The following WDR1 variants were observed in gnomAD, a reference collection of about 807,000 sequenced individuals.
WDR1 encodes the protein WD repeat domain 1, also known as WD repeat-containing protein 1.
In WDR1, 21 loss-of-function variants were observed where a neutral mutation model predicts 71.9. That is an observed-to-expected ratio of 0.29 (90% CI 0.21 to 0.42). The LOEUF is 0.42. WDR1 is among the 10% of genes least tolerant of loss of function. The probability of loss-of-function intolerance (pLI) is 1.00; values close to 1 mark genes in which losing one functional copy is unlikely to be tolerated. For synonymous variants in WDR1, 424 were observed against 347.4 expected, an observed-to-expected ratio of 1.22 and a Z score of -2.45; for missense variants, 696 against 824.5, an observed-to-expected ratio of 0.84 and a Z score of 1.91.
chr4:10,103,781 C>CA, intron 3 of WDR1, 115 bp downstream of exon 3: 1 of 263,014 alleles, frequency 3.8e-6, no homozygotes, highest in Non-Finnish European at 7.5e-6. Flanking sequence ...CCTGCTCCCC[C>CA]ACCCCCCACC....
intron 2 of WDR1, among the ~76,000 whole-genome samples, chr4:10,112,311 T>C (rs1413093507): frequency 6.6e-6 from 1 of 152,140 alleles, no homozygotes; most frequent in Non-Finnish European, 1.5e-5. Context: ...AAGCCTTCCT[T>C]AGACCCCCGA....
chr4:10,075,213 G>C lies in WDR1; in HGVS notation c.*165C>G. 1.6e-6 allele frequency: 1 copy of C among 610,890 alleles called. No homozygotes were observed. The highest frequency in any genetic ancestry group is 2.0e-5 in the South Asian group (1 of 51,078). The allele number at this position is 610,890 out of a possible 1,614,324, so 37.8% of individuals were successfully genotyped here. On this transcript the variant is annotated 3_prime_UTR_variant, in exon 15 of 15. Coordinates refer to ENST00000499869, the MANE Select transcript of WDR1 (RefSeq NM_017491.5). Reference sequence around the variant, plus strand: ...TACTGTCTAAAGCTTTCAGAAGAACGTGTACAGACACCCTGCAGAGACGAG... The same window carrying C: ...TACTGTCTAAAGCTTTCAGAAGAACCTGTACAGACACCCTGCAGAGACGAG...
rs1312127361 is a variant in WDR1, at chr4:10,103,933, G to T, written c.192C>A (p.Ala64=). 1 of 1,602,032 alleles carries T rather than the reference G, an allele frequency of 6.2e-7. No homozygotes were observed. The highest frequency in any genetic ancestry group is 8.5e-7 in the Non-Finnish European group (1 of 1,174,704). ...YTEHAHQVVV[A]KYAPSGFYIA... is the part of the protein sequence containing the mutation. ...TGTAGAATCCGCTGGGCGCATACTTGGCCACCACCACCTGATGGGCGTGCT... is the reference window on the plus strand; with the variant it reads ...TGTAGAATCCGCTGGGCGCATACTTTGCCACCACCACCTGATGGGCGTGCT... The change falls in exon 3 of 15, where the codon GCC becomes GCA. Residue 64 remains alanine (A), a synonymous_variant. Transcript: ENST00000499869.
chr4:10,113,095 C>A (rs990281344), intron 2 of WDR1, among the ~76,000 whole-genome samples: 1 of 152,248 alleles, frequency 6.6e-6, no homozygotes, highest in African/African-American at 2.4e-5. Flanking sequence ...GTGGCTCACG[C>A]CTGTATCCCA....
intron 13 of WDR1, 109 bp from the exon 14 acceptor site, chr4:10,077,557 G>A (rs1230178358): frequency 2.6e-5 from 40 of 1,543,276 alleles, no homozygotes; most frequent in Admixed American, 1.7e-4. Context: ...GGTTTCTCAC[G>A]CGCTAACTCT....
chr4:10,102,798 T>C (rs1236231696), intron 3 of WDR1, among the ~76,000 whole-genome samples: 1 of 152,196 alleles, frequency 6.6e-6, no homozygotes, highest in Non-Finnish European at 1.5e-5. Flanking sequence ...CCTCCCCTAC[T>C]GGTGCTTAGC....
chr4:10,115,970 G>GGT, intron 2 of WDR1, 143 bp downstream of exon 2: 5 of 1,152,990 alleles, frequency 4.3e-6, no homozygotes, highest in Non-Finnish European at 6.1e-6. Flanking sequence ...GGGGCTCCGA[G>GGT]GTGTGGCTCC....
At chr4:10,093,063 G>A (rs1167880282) in intron 5 of WDR1, 9 of 1,289,422 alleles carry the variant, frequency 7.0e-6, no homozygotes, top group South Asian at 3.7e-5. Flanking sequence ...ACCGAGGCTT[G>A]AAGCACTGAG....
rs1444266303 is a variant in WDR1, at chr4:10,099,083, A to G, written c.286T>C (p.Tyr96His). The G allele has an allele frequency of 1.9e-6, 3 of 1,610,822 alleles. No homozygotes were observed. The Admixed American group carries it at 5.0e-5, about 27-fold the overall frequency. ...DTTQKEHLLK[Y>H]EYQPFAGKIK... ...TTCCCAGCGAAAGGCTGGTACTCATACTTCAACAGGTGCTCCTTCTGCGTG... is the reference window on the plus strand; with the variant it reads ...TTCCCAGCGAAAGGCTGGTACTCATGCTTCAACAGGTGCTCCTTCTGCGTG... The change falls in exon 4 of 15, where the codon TAT becomes CAT. Residue 96 changes from tyrosine (Y) to histidine (H), a missense_variant. Coordinates refer to ENST00000499869, the MANE Select transcript of WDR1 (RefSeq NM_017491.5).
intron 5 of WDR1, among the ~76,000 whole-genome samples, chr4:10,089,023 G>A (rs1313587218): frequency 5.3e-5 from 8 of 152,146 alleles, no homozygotes; most frequent in African/African-American, 1.9e-4. Flanking sequence ...CCCCAGTGAG[G>A]TGCCCCCAGC....
At chr4:10,105,362 C>G (rs1470405648) in intron 2 of WDR1, among the ~76,000 whole-genome samples, 2 of 152,224 alleles carry the variant, frequency 1.3e-5, no homozygotes, top group Non-Finnish European at 1.5e-5. Context: ...CACAGACCTT[C>G]TCTTTCATCC....
chr4:10,104,411 G>A (rs1712897955), intron 2 of WDR1, among the ~76,000 whole-genome samples: 1 of 152,164 alleles, frequency 6.6e-6, no homozygotes, highest in Non-Finnish European at 1.5e-5. Context: ...TCTCCTGGCT[G>A]CCAATCAATG....
Position 10,083,067 on chromosome 4 carries a change from A to G in WDR1, c.1151T>C (p.Met384Thr). The G allele has an allele frequency of 6.2e-7, 1 of 1,613,846 alleles. No homozygotes were observed. The highest frequency in any genetic ancestry group is 8.5e-7 in the Non-Finnish European group (1 of 1,179,858). ...DESGQLISCS[M>T]DDTVRYTSLM... ...GCTGGTGTACCGCACGGTGTCGTCCATGCTGCAGCTGATGAGCTGCCCCGA... is the reference window on the plus strand; with the variant it reads ...GCTGGTGTACCGCACGGTGTCGTCCGTGCTGCAGCTGATGAGCTGCCCCGA... The change falls in exon 10 of 15, where the codon ATG (methionine) becomes ACG (threonine). Residue 384 changes from methionine to threonine, a missense_variant. Met to Thr is a moderately conservative substitution (Grantham distance 81). Transcript: ENST00000499869.
Position 10,075,498 on chromosome 4 carries a change from G to A in WDR1, c.1715-14C>T, listed in dbSNP as rs1467634543. 5.6e-6 allele frequency: 9 copies of A among 1,612,944 alleles called. No individual in the cohort carries two copies. In the African/African-American group the frequency reaches 8.0e-5, roughly 14 times the overall value. ...GCCGGTGTGCATCTGGGAAGAAAGG[G>A]TGCAATTTAACGAAAAGCCAAACTT... On this transcript the variant is annotated splice_polypyrimidine_tract_variant and intron_variant, in intron 14 of 14. Transcript: ENST00000499869.
intron 2 of WDR1, among the ~76,000 whole-genome samples, chr4:10,108,856 C>G (rs745682455): frequency 6.6e-6 from 1 of 152,232 alleles, no homozygotes; most frequent in Admixed American, 6.5e-5. Context: ...TGAACCCCCA[C>G]CTTCCCTGAC....
Position 10,078,963 on chromosome 4 carries a change from G to C in WDR1, c.1323C>G (p.Ile441Met). Reference protein sequence around the residue: ...LLKDQRKCFSIDNPGYEPEVV... With the variant: ...LLKDQRKCFSMDNPGYEPEVV... ...CTTCGGGCTCGTAGCCGGGGTTGTC[G>C]ATGCTGAAGCACTTCCTCTGATCCT... The change falls in exon 12 of 15, where the codon ATC becomes ATG. Residue 441 changes from isoleucine to methionine, a missense_variant. Transcript: ENST00000499869. The C allele has an allele frequency of 6.2e-7, 1 of 1,612,334 alleles. No individual in the cohort carries two copies.
At chr4:10,100,271 C>T (rs1560541198) in intron 3 of WDR1, among the ~76,000 whole-genome samples, 1 of 152,228 alleles carries the variant, frequency 6.6e-6, no homozygotes, top group Admixed American at 6.5e-5. Context: ...CAAATCCAGC[C>T]TCTGCCACAC....
intron 2 of WDR1, among the ~76,000 whole-genome samples, chr4:10,104,428 C>G (rs1712899165): frequency 6.6e-6 from 1 of 152,098 alleles, no homozygotes; most frequent in South Asian, 2.1e-4. Context: ...AATGTTGGAC[C>G]CCAAACTCAG....
Position 10,087,779 on chromosome 4 carries a change from G to C in WDR1, c.879C>G (p.Leu293=). The change falls in exon 8 of 15, where the codon CTC becomes CTG. Residue 293 remains leucine, a synonymous_variant. Transcript: ENST00000499869. The part of the protein sequence containing the change: ...LGCLWQKDHL[L]SVSLSGYINY... ...TGATGTACCCGGACAGGGAGACACT[G>C]AGCAGGTGGTCCTTCTGCCATAGGC... is the stretch of plus-strand genomic sequence containing the variant. 1 of 1,600,772 alleles carries C rather than the reference G, an allele frequency of 6.2e-7. No individual in the cohort carries two copies. The highest frequency in any genetic ancestry group is 8.5e-7 in the Non-Finnish European group (1 of 1,173,370).
Sources: allele counts gnomAD v4.1 joint callset (sites outside exome capture counted in the v4.1 genomes callset), GRCh38; gene constraint gnomAD v4.1.1; transcripts MANE v1.5; gene names NCBI Gene and HGNC (gene_info 2026-07-23, HGNC 2026-07-21).